Variants in RMND5A observed in about 807,000 individuals in gnomAD.
RMND5A encodes required for meiotic nuclear division 5 homolog A, also known as E3 ubiquitin-protein transferase RMND5A.
RMND5A carries 17 observed loss-of-function variants against 49.7 expected under a neutral mutation model. The ratio of observed to expected loss-of-function variants is 0.34; its 90% CI spans 0.23 to 0.51. The LOEUF (loss-of-function observed/expected upper bound fraction) is 0.51, where lower values mean the gene tolerates loss of function less well. Ranked by LOEUF, RMND5A falls within the 20% of genes least tolerant of loss-of-function variation. The probability of loss-of-function intolerance (pLI) is 0.96; values close to 1 mark genes in which losing one functional copy is unlikely to be tolerated. For synonymous variants in RMND5A, 156 were observed against 167.7 expected (o/e 0.93, Z 0.54); for missense variants, 255 against 471.3 (o/e 0.54, Z 4.25).
chr2:86,768,695 G>A (rs1173732330), intron 6 of RMND5A, among the ~76,000 whole-genome samples: 1 of 152,202 alleles, frequency 6.6e-6, no homozygotes, highest in African/African-American at 2.4e-5. Context: ...ACTCTGGTCA[G>A]ATGACTCTCT....
At chr2:86,760,965 AGTGTGTGTGTGTGTGTGTGTGTGTGT>A (rs35942120) in intron 4 of RMND5A, among the ~76,000 whole-genome samples, 2 of 145,330 alleles carry the variant, frequency 1.4e-5, no homozygotes, top group African/African-American at 5.1e-5. Flanking sequence ...GAGAGAGAGA[AGTGTGTGTGTGTGTGTGTGTGTGTGT>A]GTGTGTGTGT....
chr2:86,746,678 T>C (rs368285786), intron 2 of RMND5A, among the ~76,000 whole-genome samples: 1 of 152,214 alleles, frequency 6.6e-6, no homozygotes, highest in East Asian at 1.9e-4. Context: ...CATATGAATT[T>C]CTCTCCTTTC....
At chr2:86,755,345 C>A (rs1159783900) in intron 4 of RMND5A, among the ~76,000 whole-genome samples, 4 of 152,240 alleles carry the variant, frequency 2.6e-5, no homozygotes, top group African/African-American at 9.6e-5. Context: ...TCTCAAACTT[C>A]TGGCCTCAAG....
intron 2 of RMND5A, among the ~76,000 whole-genome samples, chr2:86,746,761 T>C (rs1026635998): frequency 2.6e-5 from 4 of 152,184 alleles, no homozygotes; most frequent in African/African-American, 9.6e-5. Context: ...AGATAACTAA[T>C]AGTGGAGGGA....
At chr2:86,753,648 A>G (rs1388394048) in intron 4 of RMND5A, 90 bp downstream of exon 4, 2 of 634,118 alleles carry the variant, frequency 3.2e-6, no homozygotes, top group Non-Finnish European at 5.5e-6. Flanking sequence ...TTTTAGATAT[A>G]TTTATCTTAC....
intron 4 of RMND5A, among the ~76,000 whole-genome samples, chr2:86,758,498 T>C (rs1681787156): frequency 6.6e-6 from 1 of 152,190 alleles, no homozygotes; most frequent in African/African-American, 2.4e-5. Flanking sequence ...TGAATATCCG[T>C]TGCACATTAT....
Position 86,777,297 on chromosome 2 carries a change from C to T in RMND5A, c.*3886C>T, listed in dbSNP as rs1250002126. On this transcript the variant is annotated 3_prime_UTR_variant, in exon 9 of 9. Transcript: ENST00000283632. Reference sequence around the variant, plus strand: ...CTTACTTTAGCAGTCACTTAACCTTCTCCAGCAAGGCAGTTGTGGGGTTCA... The same window carrying T: ...CTTACTTTAGCAGTCACTTAACCTTTTCCAGCAAGGCAGTTGTGGGGTTCA... The T allele has an allele frequency of 6.6e-6, 1 of 152,196 alleles. No individual in the cohort carries two copies. The highest frequency in any genetic ancestry group is 1.5e-5 in the Non-Finnish European group (1 of 68,054). 9.4% of individuals were successfully genotyped at this position (152,196 alleles called of 1,614,324 possible). A position where few individuals can be genotyped will look rare whatever the true frequency, so the allele number is the denominator to read the frequency against.
At chr2:86,720,923 C>G in intron 1 of RMND5A, 114 bp downstream of exon 1, 1 of 1,001,222 alleles carries the variant, frequency 1.0e-6, no homozygotes, top group South Asian at 1.8e-5. Context: ...CCCTTGCCTC[C>G]CCTGAGGCGC....
At chr2:86,766,092 G>T in intron 6 of RMND5A, 68 bp downstream of exon 6, 2 of 1,360,518 alleles carry the variant, frequency 1.5e-6, no homozygotes, top group Non-Finnish European at 2.0e-6. Context: ...AACTTGTTTG[G>T]TTCTTGATGT....
At chr2:86,771,841 A>G in intron 8 of RMND5A, 129 bp downstream of exon 8, 2 of 754,118 alleles carry the variant, frequency 2.7e-6, no homozygotes, top group Non-Finnish European at 4.1e-6. Context: ...TTAACTATTC[A>G]TTTGGCAAAG....
intron 4 of RMND5A, among the ~76,000 whole-genome samples, chr2:86,758,446 G>A (rs890540368): frequency 2.0e-5 from 3 of 151,944 alleles, no homozygotes; most frequent in Non-Finnish European, 2.9e-5. Flanking sequence ...ATGGATGGAC[G>A]TTTGTAGTTT....
At chr2:86,748,819 C>T (rs937969049) in intron 2 of RMND5A, among the ~76,000 whole-genome samples, 2 of 152,084 alleles carry the variant, frequency 1.3e-5, no homozygotes, top group Non-Finnish European at 2.9e-5. Flanking sequence ...TGTCTTCCAG[C>T]GTTGTTTTAT....
At chr2:86,747,172 A>G (rs1418141629) in intron 2 of RMND5A, among the ~76,000 whole-genome samples, 1 of 152,290 alleles carries the variant, frequency 6.6e-6, no homozygotes, top group Non-Finnish European at 1.5e-5. Context: ...TTTCTCACCT[A>G]TACCTGGTAT....
chr2:86,738,529 C>T (rs1681418118), intron 1 of RMND5A, among the ~76,000 whole-genome samples: 1 of 53,410 alleles, frequency 1.9e-5, no homozygotes, highest in Non-Finnish European at 3.7e-5. Context: ...GGCAACAGAG[C>T]GAGACCCTGT....
intron 7 of RMND5A, among the ~76,000 whole-genome samples, chr2:86,771,108 A>G (rs530409902): frequency 5.3e-5 from 8 of 152,236 alleles, no homozygotes; most frequent in African/African-American, 1.9e-4. Flanking sequence ...TGTGGTCAGG[A>G]CACAAGTAGC....
At chr2:86,766,661 C>CAAAAAAAA (rs59511898) in intron 6 of RMND5A, among the ~76,000 whole-genome samples, 7 of 77,008 alleles carry the variant, frequency 9.1e-5, no homozygotes, top group African/African-American at 3.2e-4. Flanking sequence ...GAGACTGTCT[C>CAAAAAAAA]AAAAAAAAAA....
chr2:86,773,622 T>C lies in RMND5A; in HGVS notation c.*211T>C, dbSNP rs1032939605. 2 of 382,342 alleles carry C rather than the reference T, an allele frequency of 5.2e-6. No homozygotes were observed. Among genetic ancestry groups the C allele is most frequent in the South Asian group, 8.8e-5 (1 of 11,428 alleles). The allele number at this position is 382,342 out of a possible 1,614,324, so 23.7% of individuals were successfully genotyped here. A position where few individuals can be genotyped will look rare whatever the true frequency, so the allele number is the denominator to read the frequency against. On this transcript the variant is annotated 3_prime_UTR_variant, in exon 9 of 9. Coordinates refer to ENST00000283632, the MANE Select transcript of RMND5A (RefSeq NM_022780.4). ...GGCTTTATTATATTCTTGGTCTTCA[T>C]TTCTGATCAAGTAAATACACCAGCA...
intron 2 of RMND5A, among the ~76,000 whole-genome samples, chr2:86,750,047 T>C (rs1313637955): frequency 6.6e-6 from 1 of 152,240 alleles, no homozygotes. Flanking sequence ...AGTGGTTGAC[T>C]AGGATTGCAA....
chr2:86,747,263 C>G (rs1046925188), intron 2 of RMND5A, among the ~76,000 whole-genome samples: 7 of 152,066 alleles, frequency 4.6e-5, no homozygotes, highest in African/African-American at 1.7e-4. Flanking sequence ...TTTCTTTGAC[C>G]ATCTTGAAGG....
Sources: allele counts gnomAD v4.1 joint callset (sites outside exome capture counted in the v4.1 genomes callset), GRCh38; gene constraint gnomAD v4.1.1; transcripts MANE v1.5; gene names NCBI Gene and HGNC (gene_info 2026-07-23, HGNC 2026-07-21).